Variants in MT1E observed in about 807,000 individuals in gnomAD.
MT1E encodes metallothionein 1E.
In MT1E, 1 loss-of-function variant was observed where a neutral mutation model predicts 2.4. That is an observed-to-expected ratio of 0.41 (90% CI 0.15 to 1.97). The LOEUF is 1.97. MT1E is among the 30% of genes most tolerant of loss of function. MT1E has a pLI of 0.30. For synonymous variants in MT1E, 78 were observed against 63.0 expected (o/e 1.24, Z -1.13); for missense variants, 145 against 149.6 (o/e 0.97, Z 0.16).
Position 56,625,864 on chromosome 16 carries a change from T to C in MT1E, c.13T>C (p.Cys5Arg). 1 of 1,613,742 alleles carries C rather than the reference T, an allele frequency of 6.2e-7. No homozygotes were observed. The highest frequency in any genetic ancestry group is 8.5e-7 in the Non-Finnish European group (1 of 1,180,012). ...CCCTTTGCTCGAAATGGACCCCAAC[T>C]GCTCTTGCGCCACTGGTAAGGGAAG... The part of the protein sequence containing the change: MDPN[C>R]SCATGGSCTC... The change falls in exon 1 of 2, where the codon TGC becomes CGC. Residue 5 changes from cysteine to arginine, a missense_variant. Transcript: ENST00000330439.
In MT1E at chr16:56,626,571, T is replaced by G. The variant is rs1960212228; in HGVS notation, c.134T>G (p.Leu45Arg). ...ATCTCCAGGAATCTGGGGCTGTGGC[T>G]CAGGTTGGGAGGGAACTCAAGGCTG... ...GAISRNLGLW[L>R]RLGGNSRLAL... The change falls in exon 2 of 2, where the codon CTC becomes CGC. Residue 45 changes from leucine (L) to arginine (R), a missense_variant. Leu to Arg is a moderately radical substitution (Grantham distance 102). Coordinates refer to ENST00000330439, the MANE Select transcript of MT1E (RefSeq NM_001363555.2). 6.2e-7 allele frequency: 1 copy of G among 1,614,120 alleles called. No homozygotes were observed. The highest frequency in any genetic ancestry group is 1.1e-5 in the South Asian group (1 of 91,094).
rs370365080 is a variant in MT1E at position 56,626,999 on chromosome 16, A to G, written c.*178A>G. 61 of 1,613,162 alleles carry G rather than the reference A, an allele frequency of 3.8e-5. No individual in the cohort carries two copies. In the African/African-American group the frequency reaches 7.9e-4, roughly 21 times the overall value. On this transcript the variant is annotated 3_prime_UTR_variant, in exon 2 of 2. Transcript: ENST00000330439. ...TGGGAACAGCTCTTCTCCCAGATGT[A>G]AATAGAACAACCTGCACAACCTGGA...
At chr16:56,625,925 T>A in intron 1 of MT1E, 46 bp downstream of exon 1, 3 of 1,612,046 alleles carry the variant, frequency 1.9e-6, no homozygotes, top group Non-Finnish European at 8.5e-7. Flanking sequence ...CCAGCCCTAT[T>A]ACAGAGGGTC....
At chr16:56,625,935 C>T (rs1251451263) in intron 1 of MT1E, 56 bp downstream of exon 1, 2 of 1,605,986 alleles carry the variant, frequency 1.2e-6, no homozygotes, top group Middle Eastern at 1.7e-4. Flanking sequence ...TACAGAGGGT[C>T]TCTGGGTTTC....
chr16:56,626,776 C>T lies in MT1E; in HGVS notation c.339C>T (p.Ser113=), dbSNP rs112467531. 1 of 1,613,576 alleles carries T rather than the reference C, an allele frequency of 6.2e-7. No individual in the cohort carries two copies. Among genetic ancestry groups the T allele is most frequent in the South Asian group, 1.1e-5 (1 of 91,076 alleles). Reference sequence around the variant, plus strand: ...CAGAGCTGTGCCAGACGAAAAAAAGCATCCTCTGGGTCTGGGTTCTGAGCT... The same window carrying T: ...CAGAGCTGTGCCAGACGAAAAAAAGTATCCTCTGGGTCTGGGTTCTGAGCT... ...FRTELCQTKK[S]ILWVWVLSSS... is the part of the protein sequence containing the mutation. Residue 113 remains serine, a synonymous_variant, in exon 2 of 2, where the codon AGC becomes AGT. Coordinates refer to ENST00000330439, the MANE Select transcript of MT1E (RefSeq NM_001363555.2).
intron 1 of MT1E, among the ~76,000 whole-genome samples, chr16:56,626,229 C>CAG (rs1960206302): frequency 6.6e-6 from 1 of 152,154 alleles, no homozygotes; most frequent in East Asian, 1.9e-4. Flanking sequence ...CTCGCAGTCT[C>CAG]AATATTCCTG....
chr16:56,626,288 C>G lies in MT1E; in HGVS notation c.29-178C>G, dbSNP rs143750516. Among the ~76,000 whole-genome samples, 1,266 of 152,242 alleles carry G rather than the reference C, an allele frequency of 8.3e-3. 13 individuals are homozygous for G. The highest frequency in any genetic ancestry group is 0.022 in the African/African-American group (893 of 41,534). ...TCCTGGTGCGGTAAAACAGGAGGGT[C>G]CTTGCCCTTCCCAGCGTTAGTGGAG... is the stretch of plus-strand genomic sequence containing the variant. On this transcript the variant is annotated intron_variant, in intron 1 of 1. Transcript: ENST00000330439.
chr16:56,626,407 C>A (rs772029535), intron 1 of MT1E, 59 bp from the exon 2 acceptor site: 25 of 1,613,578 alleles, frequency 1.5e-5, no homozygotes, highest in Non-Finnish European at 2.1e-5. Context: ...ACTCACTGAC[C>A]CACTGCTGTA....
intron 1 of MT1E, 104 bp downstream of exon 1, chr16:56,625,983 C>A: frequency 7.5e-7 from 1 of 1,334,812 alleles, no homozygotes; most frequent in Non-Finnish European, 1.1e-6. Flanking sequence ...ACGGGGACTC[C>A]AGTACTTCGT....
In MT1E at chr16:56,625,892, C is replaced by G; in HGVS notation, c.28+13C>G. On this transcript the variant is annotated intron_variant, in intron 1 of 1. Coordinates refer to ENST00000330439, the MANE Select transcript of MT1E (RefSeq NM_001363555.2). Reference sequence around the variant, plus strand: ...TCTTGCGCCACTGGTAAGGGAAGCTCTGCGCCCTGGAATCCCCATTTCCCA... The same window carrying G: ...TCTTGCGCCACTGGTAAGGGAAGCTGTGCGCCCTGGAATCCCCATTTCCCA... 1 of 1,613,934 alleles carries G rather than the reference C, an allele frequency of 6.2e-7. No homozygotes were observed. The highest frequency in any genetic ancestry group is 8.5e-7 in the Non-Finnish European group (1 of 1,180,016).
At position 56,626,500 on chromosome 16, in the gene MT1E, C is replaced by T. The variant is rs1398770175; in HGVS notation, c.63C>T (p.Cys21=). The part of the protein sequence containing the change: ...GSCTCAGSCK[C]KECKCTSCKK... ...GCACGTGCGCCGGCTCCTGCAAGTG[C>T]AAAGAGTGCAAATGCACCTCCTGCA... The change falls in exon 2 of 2, where the codon TGC becomes TGT. Residue 21 remains cysteine (C), a synonymous_variant. Transcript: ENST00000330439. 3.1e-6 allele frequency: 5 copies of T among 1,614,252 alleles called. No individual in the cohort carries two copies. The highest frequency in any genetic ancestry group is 4.2e-6 in the Non-Finnish European group (5 of 1,180,044).
In MT1E at chr16:56,626,695, G is replaced by A. The variant is rs762348936; in HGVS notation, c.258G>A (p.Arg86=). The part of the protein sequence containing the change: ...QAFCPKFRWG[R]TAFFSWDTNP... ...TCTGCCCTAAATTCAGATGGGGCAG[G>A]ACAGCATTTTTCTCGTGGGACACAA... The change falls in exon 2 of 2, where the codon AGG becomes AGA. Residue 86 remains arginine, a synonymous_variant. Coordinates refer to ENST00000330439, the MANE Select transcript of MT1E (RefSeq NM_001363555.2). 3 of 1,589,308 alleles carry A rather than the reference G, an allele frequency of 1.9e-6. No individual in the cohort carries two copies. Among genetic ancestry groups the A allele is most frequent in the Non-Finnish European group, 1.7e-6 (2 of 1,167,892 alleles).
At position 56,626,483 on chromosome 16, in the gene MT1E, G is replaced by A. The variant is rs753904615; in HGVS notation, c.46G>A (p.Ala16Thr). The change falls in exon 2 of 2, where the codon GCC (alanine) becomes ACC (threonine). Residue 16 changes from alanine to threonine, a missense_variant. Physicochemically the swap from Ala to Thr is moderately conservative, Grantham distance 58. Coordinates refer to ENST00000330439, the MANE Select transcript of MT1E (RefSeq NM_001363555.2). ...SCATGGSCTCAGSCKCKECKC... is the reference protein window; with the variant it reads ...SCATGGSCTCTGSCKCKECKC... The stretch of plus-strand genomic sequence containing the variant: ...CCTTGTAGGTGGCTCCTGCACGTGC[G>A]CCGGCTCCTGCAAGTGCAAAGAGTG... The A allele has an allele frequency of 2.0e-5, 33 of 1,614,094 alleles. No homozygotes were observed. Among genetic ancestry groups the A allele is most frequent in the South Asian group, 1.6e-4 (15 of 91,090 alleles).
In MT1E at chr16:56,626,578, G is replaced by A; in HGVS notation, c.141G>A (p.Leu47=). The A allele has an allele frequency of 6.2e-7, 1 of 1,614,236 alleles. No individual in the cohort carries two copies. The highest frequency in any genetic ancestry group is 1.3e-5 in the African/African-American group (1 of 75,056). ...GGAATCTGGGGCTGTGGCTCAGGTTGGGAGGGAACTCAAGGCTGGCCCTGA... is the reference window on the plus strand; with the variant it reads ...GGAATCTGGGGCTGTGGCTCAGGTTAGGAGGGAACTCAAGGCTGGCCCTGA... ...ISRNLGLWLR[L]GGNSRLALSA... is the part of the protein sequence containing the mutation. The change falls in exon 2 of 2, where the codon TTG becomes TTA. Residue 47 remains leucine, a synonymous_variant. Transcript: ENST00000330439.
chr16:56,625,878 T>C lies in MT1E; in HGVS notation c.27T>C (p.Thr9=). The change falls in exon 1 of 2, where the codon ACT becomes ACC. Residue 9 remains threonine, a splice_region_variant and synonymous_variant. Transcript: ENST00000330439. MDPNCSCA[T]GGSCTCAGSC... ...TGGACCCCAACTGCTCTTGCGCCAC[T>C]GGTAAGGGAAGCTCTGCGCCCTGGA... 1 of 1,613,804 alleles carries C rather than the reference T, an allele frequency of 6.2e-7. No individual in the cohort carries two copies.
In MT1E at chr16:56,627,031, T is replaced by TA. The variant is rs546568796; in HGVS notation, c.*215dup. The stretch of plus-strand genomic sequence containing the variant: ...ACAACCTGCACAACCTGGATTTTTT[T>TA]AAAAATACAACACTGAGCCATTTGC... On this transcript the variant is annotated 3_prime_UTR_variant, in exon 2 of 2. Coordinates refer to ENST00000330439, the MANE Select transcript of MT1E (RefSeq NM_001363555.2). 5.4e-4 allele frequency: 869 copies of TA among 1,595,124 alleles called. 4 individuals carry two copies. In the East Asian group the frequency reaches 0.016, roughly 29 times the overall value.
Position 56,625,840 on chromosome 16 carries a change from CCTTTG to C in MT1E, c.-9_-5del, listed in dbSNP as rs1241116806. ...CTCACTGGTGTGAGCTCCAGCATCC[CCTTTG>C]CTCGAAATGGACCCCAACTGCTCTT... is the stretch of plus-strand genomic sequence containing the variant. On this transcript the variant is annotated 5_prime_UTR_variant, in exon 1 of 2. Transcript: ENST00000330439. 1 of 1,613,398 alleles carries C rather than the reference CCTTTG, an allele frequency of 6.2e-7. No individual in the cohort carries two copies. Among genetic ancestry groups the C allele is most frequent in the South Asian group, 1.1e-5 (1 of 91,048 alleles).
chr16:56,626,572 C>T lies in MT1E; in HGVS notation c.135C>T (p.Leu45=), dbSNP rs752880123. Residue 45 remains leucine, a synonymous_variant, in exon 2 of 2, where the codon CTC becomes CTT. Coordinates refer to ENST00000330439, the MANE Select transcript of MT1E (RefSeq NM_001363555.2). ...GAISRNLGLW[L]RLGGNSRLAL... is the part of the protein sequence containing the mutation. ...TCTCCAGGAATCTGGGGCTGTGGCT[C>T]AGGTTGGGAGGGAACTCAAGGCTGG... 1.5e-5 allele frequency: 24 copies of T among 1,614,094 alleles called. No homozygotes were observed. The highest frequency in any genetic ancestry group is 1.9e-5 in the Non-Finnish European group (23 of 1,180,040).
chr16:56,626,687 TG>T lies in MT1E; in HGVS notation c.254del (p.Gly85AlafsTer36). ...CCAGGCTTTCTGCCCTAAATTCAGA[TG>T]GGGCAGGACAGCATTTTTCTCGTGG... Reference protein sequence around the residue: ...PLQAFCPKFRWGRTAFFSWDT... With the variant: ...PLQAFCPKFRXGRTAFFSWDT... On this transcript the variant is annotated frameshift_variant, in exon 2 of 2. Coordinates refer to ENST00000330439, the MANE Select transcript of MT1E (RefSeq NM_001363555.2). LOFTEE classifies it low-confidence loss of function (END_TRUNC). The T allele has an allele frequency of 6.3e-7, 1 of 1,590,602 alleles. No homozygotes were observed. Among genetic ancestry groups the T allele is most frequent in the Non-Finnish European group, 8.6e-7 (1 of 1,168,376 alleles).
Sources: gnomAD v4.1 joint callset for allele counts (sites outside exome capture counted in the v4.1 genomes callset) on GRCh38, gnomAD v4.1.1 for gene constraint, MANE v1.5 for transcripts, NCBI Gene and HGNC (gene_info 2026-07-23, HGNC 2026-07-21) for gene names.